MAPK10: variants seen among roughly 807,000 people sequenced by gnomAD.
MAPK10 encodes JNK3 alpha protein kinase.
In MAPK10, 25 loss-of-function variants were observed where a neutral mutation model predicts 59.3. That is an observed-to-expected ratio of 0.42 (90% confidence interval 0.31 to 0.59). MAPK10 has a LOEUF of 0.59. Ranked by LOEUF, MAPK10 falls within the 20% of genes least tolerant of loss-of-function variation. The probability of loss-of-function intolerance (pLI) is 0.15; values close to 1 mark genes in which losing one functional copy is unlikely to be tolerated. For synonymous variants in MAPK10, 190 were observed against 200.5 expected (o/e 0.95, Z 0.44); for missense variants, 351 against 568.9 (o/e 0.62, Z 3.90).
chr4:86,180,733 T>A (rs940212481), intron 3 of MAPK10, among the ~76,000 whole-genome samples: 1 of 151,924 alleles, frequency 6.6e-6, no homozygotes, highest in African/African-American at 2.4e-5. Context: ...TTATGTTAAG[T>A]GAAATAAGAG....
At chr4:86,092,249 T>G (rs1392480428) in intron 9 of MAPK10, among the ~76,000 whole-genome samples, 2 of 152,138 alleles carry the variant, frequency 1.3e-5, no homozygotes, top group African/African-American at 4.8e-5. Flanking sequence ...CCTGGAAATC[T>G]TTCTAATTCC....
intron 2 of MAPK10, among the ~76,000 whole-genome samples, chr4:86,313,548 G>T (rs550479571): frequency 6.6e-6 from 1 of 152,024 alleles, no homozygotes; most frequent in Non-Finnish European, 1.5e-5. Context: ...TTAAAAGTGG[G>T]CAAGAGAGTA....
chr4:86,387,553 A>T (rs1254568473), intron 1 of MAPK10, among the ~76,000 whole-genome samples: 1 of 152,206 alleles, frequency 6.6e-6, no homozygotes. Context: ...GACTGGAGCA[A>T]GTCCCTGACC....
intron 1 of MAPK10, among the ~76,000 whole-genome samples, chr4:86,494,046 A>C (rs1357839849): frequency 1.3e-5 from 2 of 152,162 alleles, no homozygotes; most frequent in African/African-American, 4.8e-5. Flanking sequence ...AGACCTTAAA[A>C]GTTTAGGCAT....
intron 1 of MAPK10, among the ~76,000 whole-genome samples, chr4:86,380,666 G>A (rs1006456333): frequency 3.9e-5 from 6 of 152,000 alleles, no homozygotes; most frequent in Non-Finnish European, 4.4e-5. Flanking sequence ...AATCTGTAAA[G>A]CAATGTTTTA....
intron 1 of MAPK10, among the ~76,000 whole-genome samples, chr4:86,438,427 T>A (rs1238108351): frequency 6.6e-6 from 1 of 152,088 alleles, no homozygotes; most frequent in African/African-American, 2.4e-5. Flanking sequence ...CAGTGGCTCA[T>A]GCCTGTAATC....
At chr4:86,485,900 T>C (rs1753949595) in intron 1 of MAPK10, among the ~76,000 whole-genome samples, 1 of 152,176 alleles carries the variant, frequency 6.6e-6, no homozygotes, top group Non-Finnish European at 1.5e-5. Context: ...AAAAGAGGCC[T>C]AACCAGAAAC....
chr4:86,260,260 T>C lies in MAPK10; in HGVS notation c.-6-65853A>G, dbSNP rs189451884. 8.8e-4 allele frequency among the ~76,000 whole-genome samples: 134 copies of C among 152,206 alleles called. 1 individual carries two copies. Among genetic ancestry groups the C allele is most frequent in the Non-Finnish European group, 1.5e-3 (103 of 67,946 alleles). On this transcript the variant is annotated intron_variant, in intron 2 of 13. Coordinates refer to ENST00000641462, the MANE Select transcript of MAPK10 (RefSeq NM_138982.4). ...TGTCATTCTGTTTTGAGGCTTTCCA[T>C]TTGTAAAATACGAGTTTCATCTCTA...
At chr4:86,221,590 G>A (rs139731525) in intron 2 of MAPK10, among the ~76,000 whole-genome samples, 102 of 152,118 alleles carry the variant, frequency 6.7e-4, no homozygotes, top group Non-Finnish European at 9.3e-4. Context: ...AGACTCAAGC[G>A]ATTCTCCCAC....
At chr4:86,379,909 C>T (rs1039188448) in intron 1 of MAPK10, among the ~76,000 whole-genome samples, 5 of 152,052 alleles carry the variant, frequency 3.3e-5, no homozygotes, top group African/African-American at 7.2e-5. Flanking sequence ...TATCCCTGAC[C>T]GAGCTGGTCT....
intron 3 of MAPK10, among the ~76,000 whole-genome samples, chr4:86,168,004 T>C (rs967936772): frequency 2.0e-5 from 3 of 152,218 alleles, no homozygotes; most frequent in Non-Finnish European, 4.4e-5. Flanking sequence ...AAAAGCTTAT[T>C]AAGCTGATAA....
At chr4:86,381,278 G>A (rs1740668963) in intron 1 of MAPK10, among the ~76,000 whole-genome samples, 1 of 152,100 alleles carries the variant, frequency 6.6e-6, no homozygotes, top group South Asian at 2.1e-4. Context: ...ATGGAAGTTT[G>A]TGTTTCCCAA....
intron 1 of MAPK10, among the ~76,000 whole-genome samples, chr4:86,401,817 T>C (rs1474055726): frequency 6.6e-6 from 1 of 152,204 alleles, no homozygotes; most frequent in Non-Finnish European, 1.5e-5. Flanking sequence ...GGGCTTATTA[T>C]CTTCCCAAAG....
chr4:86,148,507 G>A (rs552537330), intron 4 of MAPK10, among the ~76,000 whole-genome samples: 3 of 152,234 alleles, frequency 2.0e-5, no homozygotes, highest in East Asian at 3.9e-4. Context: ...GAGGGGGAAA[G>A]GGATATCAGT....
rs149722878 is a variant in MAPK10 at position 86,282,106 on chromosome 4, C to T, written c.-7+72424G>A. ...CAAGAACTCAGGAGAAATTTATTGGCCTTTCAAGAAAAACTCTTAATTAAA... is the reference window on the plus strand; with the variant it reads ...CAAGAACTCAGGAGAAATTTATTGGTCTTTCAAGAAAAACTCTTAATTAAA... On this transcript the variant is annotated intron_variant, in intron 2 of 13. Transcript: ENST00000641462. Among the ~76,000 whole-genome samples, 545 of 152,096 alleles carry T rather than the reference C, an allele frequency of 3.6e-3. 4 individuals are homozygous for T. The highest frequency in any genetic ancestry group is 0.013 in the African/African-American group (520 of 41,492).
At chr4:86,194,531 T>A (rs988493731) in intron 2 of MAPK10, 124 bp from the exon 3 acceptor site, 1 of 670,424 alleles carries the variant, frequency 1.5e-6, no homozygotes, top group Non-Finnish European at 2.7e-6. Flanking sequence ...TCCAACATAA[T>A]CCTTATCTTG....
At chr4:86,159,088 A>G in intron 4 of MAPK10, 2 of 374,278 alleles carry the variant, frequency 5.3e-6, no homozygotes, top group Non-Finnish European at 9.4e-6. Flanking sequence ...AAAAAAAAAC[A>G]TGTCACAAGC....
At chr4:86,362,241 C>T (rs1002535792), upstream of MAPK10, among the ~76,000 whole-genome samples, 8 of 151,968 alleles carry the variant, frequency 5.3e-5, no homozygotes, top group East Asian at 7.7e-4. Flanking sequence ...AAAAAAGGAA[C>T]GCCATCTCTT....
chr4:86,117,612 T>C (rs1388178451), intron 4 of MAPK10: 3 of 152,254 alleles, frequency 2.0e-5, no homozygotes, highest in African/African-American at 7.2e-5. Context: ...CCAGAAGCTT[T>C]TGCAGCTAGC....
Sources: allele counts gnomAD v4.1 joint callset (sites outside exome capture counted in the v4.1 genomes callset), GRCh38; gene constraint gnomAD v4.1.1; transcripts MANE v1.5; gene names NCBI Gene and HGNC (gene_info 2026-07-23, HGNC 2026-07-21).